The following ADAD1 variants were observed in gnomAD, a reference collection of about 807,000 sequenced individuals.
ADAD1 encodes the protein adenosine deaminase domain containing 1.
A neutral mutation model predicts 66.8 loss-of-function variants in ADAD1; 46 were observed. The ratio of observed to expected loss-of-function variants is 0.69; its 90% CI spans 0.54 to 0.88. The LOEUF is 0.88. ADAD1 is among the 40% of genes least tolerant of loss of function. The probability of loss-of-function intolerance (pLI) is 0.00; values close to 1 mark genes in which losing one functional copy is unlikely to be tolerated. For synonymous variants in ADAD1, 248 were observed against 229.4 expected, an observed-to-expected ratio of 1.08 and a Z score of -0.73; for missense variants, 617 against 681.8, an observed-to-expected ratio of 0.91 and a Z score of 1.06.
Position 122,393,601 on chromosome 4 carries a change from T to C in ADAD1, c.542T>C (p.Phe181Ser), listed in dbSNP as rs772356259. The C allele has an allele frequency of 6.3e-7, 1 of 1,598,036 alleles. No homozygotes were observed. Among genetic ancestry groups the C allele is most frequent in the South Asian group, 1.1e-5 (1 of 87,374 alleles). ...RILETSGPPP[F>S]PAEPVVLSEL... ...GTTTTGTTTACAGGTCCTCCTCCTT[T>C]CCCTGCAGAACCTGTTGTTTTATCT... is the stretch of plus-strand genomic sequence containing the variant. The change falls in exon 6 of 13, where the codon TTC (phenylalanine) becomes TCC (serine). Residue 181 changes from phenylalanine (F) to serine (S), a missense_variant. Coordinates refer to ENST00000296513, the MANE Select transcript of ADAD1 (RefSeq NM_139243.4).
intron 6 of ADAD1, among the ~76,000 whole-genome samples, chr4:122,395,152 G>A (rs1795637942): frequency 6.6e-6 from 1 of 151,986 alleles, no homozygotes; most frequent in Admixed American, 6.6e-5. Context: ...CCAAGTTCAA[G>A]TGATTCTCCT....
intron 7 of ADAD1, among the ~76,000 whole-genome samples, chr4:122,402,507 G>A (rs1411817442): frequency 6.6e-6 from 1 of 152,150 alleles, no homozygotes; most frequent in Non-Finnish European, 1.5e-5. Flanking sequence ...TTTCCCAGGT[G>A]TTCTTTGAGC....
rs1220754611 is a variant in ADAD1, at chr4:122,393,749, G to T, written c.598+92G>T. 1.3e-5 allele frequency: 12 copies of T among 950,396 alleles called. 1 individual carries two copies. Among genetic ancestry groups the T allele is most frequent in the Non-Finnish European group, 3.0e-6 (2 of 658,906 alleles). The allele number at this position is 950,396 out of a possible 1,614,324, so 58.9% of individuals were successfully genotyped here. ...TTAAAATAAGCATAGGTATGAAAAT[G>T]TACATTAACACTTTATCATCCAAAC... On this transcript the variant is annotated intron_variant, in intron 6 of 12. Transcript: ENST00000296513.
chr4:122,393,189 C>T (rs1795539548), intron 5 of ADAD1, among the ~76,000 whole-genome samples: 1 of 151,818 alleles, frequency 6.6e-6, no homozygotes, highest in Admixed American at 6.6e-5. Flanking sequence ...GAAAAATGGC[C>T]TGGTAAAATA....
intron 5 of ADAD1, among the ~76,000 whole-genome samples, chr4:122,391,725 G>C (rs1297082279): frequency 2.0e-5 from 3 of 151,980 alleles, no homozygotes; most frequent in Non-Finnish European, 4.4e-5. Flanking sequence ...TTTGTTTTTT[G>C]TTTTGAGACA....
Position 122,381,241 on chromosome 4 carries a change from CTAAGT to C in ADAD1, c.361+63_361+67del, listed in dbSNP as rs1794885960. Reference sequence around the variant, plus strand: ...CGAAAAGTATAGCAAAATAATTGTGCTAAGTTTAGTTCTTTCTTCTAATATTGGAG... The same window carrying C: ...CGAAAAGTATAGCAAAATAATTGTGCTTAGTTCTTTCTTCTAATATTGGAG... On this transcript the variant is annotated intron_variant, in intron 4 of 12. Transcript: ENST00000296513. 35 of 1,447,010 alleles carry C rather than the reference CTAAGT, an allele frequency of 2.4e-5. 1 individual carries two copies. The Middle Eastern group carries it at 1.3e-3, about 53-fold the overall frequency. 89.6% of individuals were successfully genotyped at this position (1,447,010 alleles called of 1,614,324 possible). A position where few individuals can be genotyped will look rare whatever the true frequency, so the allele number is the denominator to read the frequency against.
Position 122,383,961 on chromosome 4 carries a change from C to T in ADAD1, c.524C>T (p.Thr175Ile). Residue 175 changes from threonine (T) to isoleucine (I), a missense_variant, in exon 5 of 13, where the codon ACA (threonine) becomes ATA (isoleucine). Physicochemically the swap from Thr to Ile is moderately conservative, Grantham distance 89 (BLOSUM62 -1). Transcript: ENST00000296513. ...LDEPEPRILETSGPPPFPAEP... is the reference protein window; with the variant it reads ...LDEPEPRILEISGPPPFPAEP... ...GAACCTGAACCACGAATTTTAGAAA[C>T]ATCAGGTAAATACTCTTGATTATAA... The T allele has an allele frequency of 6.2e-7, 1 of 1,605,844 alleles. No individual in the cohort carries two copies. Among genetic ancestry groups the T allele is most frequent in the South Asian group, 1.1e-5 (1 of 89,154 alleles).
chr4:122,381,281 T>A, intron 4 of ADAD1, 101 bp downstream of exon 4: 1 of 1,177,966 alleles, frequency 8.5e-7, no homozygotes, highest in Non-Finnish European at 1.2e-6. Context: ...GTTAGGTAAC[T>A]GATTGTATGT....
chr4:122,398,826 T>A (rs1795834736), intron 7 of ADAD1, among the ~76,000 whole-genome samples: 1 of 152,002 alleles, frequency 6.6e-6, no homozygotes, highest in East Asian at 1.9e-4. Context: ...TGGGATTATT[T>A]TTTTTTTTCT....
chr4:122,380,598 C>G, intron 3 of ADAD1: 1 of 289,790 alleles, frequency 3.5e-6, no homozygotes, highest in East Asian at 9.2e-5. Context: ...CTTTAAAATT[C>G]GGTGGAATCC....
intron 12 of ADAD1, among the ~76,000 whole-genome samples, chr4:122,426,135 C>T (rs1198038082): frequency 6.6e-6 from 1 of 151,860 alleles, no homozygotes. Context: ...ACAGATAACA[C>T]AAATTATCAA....
At chr4:122,398,773 C>A (rs1021023366) in intron 7 of ADAD1, among the ~76,000 whole-genome samples, 1 of 151,322 alleles carries the variant, frequency 6.6e-6, no homozygotes, top group African/African-American at 2.4e-5. Flanking sequence ...GTTATATCTT[C>A]TTTTGAGAAT....
intron 7 of ADAD1, among the ~76,000 whole-genome samples, chr4:122,404,906 C>T (rs2150569879): frequency 6.6e-6 from 1 of 152,276 alleles, no homozygotes; most frequent in South Asian, 2.1e-4. Context: ...TGATTCCATT[C>T]CTTCTCACAT....
At chr4:122,411,132 C>T in intron 8 of ADAD1, 90 bp from the exon 9 acceptor site, 1 of 998,540 alleles carries the variant, frequency 1.0e-6, no homozygotes, top group Non-Finnish European at 1.4e-6. Flanking sequence ...ACATGCAGGA[C>T]ATTGCTTCTG....
At chr4:122,381,848 G>A (rs1794910559) in intron 4 of ADAD1, among the ~76,000 whole-genome samples, 1 of 152,104 alleles carries the variant, frequency 6.6e-6, no homozygotes, top group Non-Finnish European at 1.5e-5. Context: ...TTGTGTATAT[G>A]TACATGTGTG....
intron 5 of ADAD1, among the ~76,000 whole-genome samples, chr4:122,388,821 T>C (rs1795305904): frequency 6.6e-6 from 1 of 152,258 alleles, no homozygotes; most frequent in Non-Finnish European, 1.5e-5. Flanking sequence ...AAAAAACAGC[T>C]TCTGGATTCG....
Position 122,380,456 on chromosome 4 carries a change from T to G in ADAD1, c.172+215T>G, listed in dbSNP as rs1794838127. 4 of 561,222 alleles carry G rather than the reference T, an allele frequency of 7.1e-6. No individual in the cohort carries two copies. In the South Asian group the frequency reaches 1.0e-4, roughly 15 times the overall value. 34.8% of individuals were successfully genotyped at this position (561,222 alleles called of 1,614,324 possible). ...TTTAACCATCTGTTACCACCTTGACTGTTCAAACCCCCCCCTTCAAGTGTG... is the reference window on the plus strand; with the variant it reads ...TTTAACCATCTGTTACCACCTTGACGGTTCAAACCCCCCCCTTCAAGTGTG... On this transcript the variant is annotated intron_variant, in intron 3 of 12. Transcript: ENST00000296513.
In ADAD1 at chr4:122,382,204, TC is replaced by T. The variant is rs527512285; in HGVS notation, c.361+1025del. On this transcript the variant is annotated intron_variant, in intron 4 of 12. Coordinates refer to ENST00000296513, the MANE Select transcript of ADAD1 (RefSeq NM_139243.4). ...AGAAAAAATAAATGATCAGGACAAA[TC>T]TTCACTGCTCTGAGCAAAAACTACT... is the stretch of plus-strand genomic sequence containing the variant. Among the ~76,000 whole-genome samples, 16 of 152,292 alleles carry T rather than the reference TC, an allele frequency of 1.1e-4. No individual in the cohort carries two copies. The East Asian group carries it at 2.9e-3, about 28-fold the overall frequency.
intron 11 of ADAD1, among the ~76,000 whole-genome samples, chr4:122,420,860 T>C (rs984141967): frequency 1.3e-5 from 2 of 152,178 alleles, no homozygotes; most frequent in Non-Finnish European, 2.9e-5. Flanking sequence ...CAAAATAGAT[T>C]ATACAATTTC....
Sources: gnomAD v4.1 joint callset for allele counts (sites outside exome capture counted in the v4.1 genomes callset) on GRCh38, gnomAD v4.1.1 for gene constraint, MANE v1.5 for transcripts, NCBI Gene and HGNC (gene_info 2026-07-23, HGNC 2026-07-21) for gene names.